The following STAM variants were observed in gnomAD, a reference collection of about 807,000 sequenced individuals.
STAM encodes the protein signal transducing adaptor molecule.
A neutral mutation model predicts 63.4 loss-of-function variants in STAM; 16 were observed. The ratio of observed to expected loss-of-function variants is 0.25; its 90% confidence interval spans 0.17 to 0.38. STAM has a LOEUF of 0.38. Among genes scored for constraint, STAM ranks in the 10% least tolerant of loss-of-function variants. The pLI is 1.00. For missense variants in STAM, 636 were observed against 657.1 expected, an observed-to-expected ratio of 0.97 and a Z score of 0.35; for synonymous variants, 238 against 223.9, an observed-to-expected ratio of 1.06 and a Z score of -0.56.
chr10:17,693,813 C>T (rs921148769), intron 6 of STAM, among the ~76,000 whole-genome samples: 3 of 152,016 alleles, frequency 2.0e-5, no homozygotes, highest in South Asian at 2.1e-4. Context: ...TATATGTGAC[C>T]GTCTCTATTA....
chr10:17,688,850 A>G lies in STAM; in HGVS notation c.444+677A>G, dbSNP rs140298167. 1.4e-3 allele frequency among the ~76,000 whole-genome samples: 211 copies of G among 152,284 alleles called. 3 individuals are homozygous for G. In the Middle Eastern group the frequency reaches 0.058, roughly 42 times the overall value. ...TGCTCTTAATGCTATAATTTTCTAC[A>G]AAGAATGATAGCTCAGAAATCAGGA... On this transcript the variant is annotated intron_variant, in intron 5 of 13. Coordinates refer to ENST00000377524, the MANE Select transcript of STAM (RefSeq NM_003473.4).
Position 17,701,535 on chromosome 10 carries a change from T to C in STAM, c.912+1256T>C, listed in dbSNP as rs367999907. The stretch of plus-strand genomic sequence containing the variant: ...TTTGTGCTGCAGTGGAAGAATTGAG[T>C]AGTAGCAACAGAGATCATATGGCCT... On this transcript the variant is annotated intron_variant, in intron 9 of 13. Coordinates refer to ENST00000377524, the MANE Select transcript of STAM (RefSeq NM_003473.4). Among the ~76,000 whole-genome samples the C allele has an allele frequency of 1.4e-3, 206 of 152,276 alleles. 1 individual carries two copies. The highest frequency in any genetic ancestry group is 6.8e-3 in the Middle Eastern group (2 of 294).
At chr10:17,711,380 A>G (rs1554830074) in intron 13 of STAM, among the ~76,000 whole-genome samples, 1 of 152,222 alleles carries the variant, frequency 6.6e-6, no homozygotes. Flanking sequence ...TTTGTCTCTG[A>G]TTTTAGTTTA....
Position 17,708,844 on chromosome 10 carries a change from G to C in STAM, c.1278G>C (p.Gln426His). The change falls in exon 13 of 14, where the codon CAG becomes CAC. Residue 426 changes from glutamine (Q) to histidine (H), a missense_variant. By Grantham distance (24) the Gln-to-His change is conservative. Coordinates refer to ENST00000377524, the MANE Select transcript of STAM (RefSeq NM_003473.4). ...VAGNAQMSHL[Q>H]SYSLPPEQLS... ...GGAACGCGCAGATGAGCCACCTCCA[G>C]AGCTACAGTCTTCCCCCGGAGCAGC... The C allele has an allele frequency of 6.2e-7, 1 of 1,614,192 alleles. No homozygotes were observed. The highest frequency in any genetic ancestry group is 1.3e-5 in the African/African-American group (1 of 75,042).
At chr10:17,700,077 T>A (rs1281296642) in intron 8 of STAM, 114 bp from the exon 9 acceptor site, 7 of 749,024 alleles carry the variant, frequency 9.3e-6, no homozygotes, top group Non-Finnish European at 1.0e-5. Context: ...ATTGCGCCTT[T>A]TAGCTTGCTG....
At chr10:17,683,032 G>T (rs1402870627) in intron 2 of STAM, among the ~76,000 whole-genome samples, 3 of 152,186 alleles carry the variant, frequency 2.0e-5, no homozygotes, top group Non-Finnish European at 4.4e-5. Context: ...GCTAACGGTA[G>T]TGAATAGATA....
Position 17,714,973 on chromosome 10 carries a change from T to A in STAM, c.*193T>A. 1 of 575,390 alleles carries A rather than the reference T, an allele frequency of 1.7e-6. No homozygotes were observed. The highest frequency in any genetic ancestry group is 3.1e-6 in the Non-Finnish European group (1 of 324,412). 35.6% of individuals were successfully genotyped at this position (575,390 alleles called of 1,614,324 possible). A position where few individuals can be genotyped will look rare whatever the true frequency, so the allele number is the denominator to read the frequency against. ...TTAGAGGTTCTTCCCCCCCCGCCCC[T>A]GCAGAGGAATGAAACTACTTACAAC... is the stretch of plus-strand genomic sequence containing the variant. On this transcript the variant is annotated 3_prime_UTR_variant, in exon 14 of 14. Transcript: ENST00000377524.
rs949311098 is a variant in STAM, at chr10:17,644,218, C to T, written c.-122C>T. On this transcript the variant is annotated 5_prime_UTR_variant, in exon 1 of 14. Coordinates refer to ENST00000377524, the MANE Select transcript of STAM (RefSeq NM_003473.4). ...GGTTGGGTGAGAGGAGGAGCTGTCGCGGACCCTGTAGAGTCGGTCTCTGTT... is the reference window on the plus strand; with the variant it reads ...GGTTGGGTGAGAGGAGGAGCTGTCGTGGACCCTGTAGAGTCGGTCTCTGTT... The T allele has an allele frequency of 5.5e-5, 59 of 1,075,198 alleles. No homozygotes were observed. Among genetic ancestry groups the T allele is most frequent in the Middle Eastern group, 4.0e-4 (2 of 5,036 alleles). The allele number at this position is 1,075,198 out of a possible 1,614,324, so 66.6% of individuals were successfully genotyped here. A position where few individuals can be genotyped will look rare whatever the true frequency, so the allele number is the denominator to read the frequency against.
intron 2 of STAM, among the ~76,000 whole-genome samples, chr10:17,681,910 T>C (rs1177177458): frequency 1.3e-5 from 2 of 152,244 alleles, no homozygotes; most frequent in Non-Finnish European, 2.9e-5. Flanking sequence ...TCGTAGGTTA[T>C]ATGAATGATT....
chr10:17,672,991 A>G, intron 2 of STAM: 1 of 982,326 alleles, frequency 1.0e-6, no homozygotes, highest in Non-Finnish European at 1.2e-6. Flanking sequence ...AAAAGAGAGG[A>G]TGTGTCTTAC....
intron 1 of STAM, among the ~76,000 whole-genome samples, chr10:17,646,801 C>T (rs546612347): frequency 5.2e-4 from 79 of 152,138 alleles, no homozygotes; most frequent in Non-Finnish European, 9.4e-4. Flanking sequence ...ATATAGAATA[C>T]AGTGTATAGA....
At chr10:17,712,397 T>A (rs1836595867) in intron 13 of STAM, among the ~76,000 whole-genome samples, 1 of 152,180 alleles carries the variant, frequency 6.6e-6, no homozygotes, top group East Asian at 1.9e-4. Context: ...CATCTCCTAA[T>A]CAACTTTATA....
intron 9 of STAM, among the ~76,000 whole-genome samples, chr10:17,701,827 G>T (rs1836012392): frequency 6.6e-6 from 1 of 152,068 alleles, no homozygotes; most frequent in Non-Finnish European, 1.5e-5. Flanking sequence ...CAGAGTATAA[G>T]AATTACCAGG....
chr10:17,644,375 T>A lies in STAM; in HGVS notation c.36T>A (p.Asp12Glu). The A allele has an allele frequency of 6.2e-7, 1 of 1,613,876 alleles. No individual in the cohort carries two copies. The highest frequency in any genetic ancestry group is 8.5e-7 in the Non-Finnish European group (1 of 1,179,906). The change falls in exon 1 of 14, where the codon GAT (aspartate) becomes GAA (glutamate). Residue 12 changes from aspartate (D) to glutamate (E), a missense_variant. Around this residue, in one of 3 missense-constraint regions of STAM, gnomAD observed 87 missense variants for 80.3 expected, o/e 1.08. Transcript: ENST00000377524. ...PLFATNPFDQ[D>E]VEKATSEMNT... is the part of the protein sequence containing the mutation. ...TTGCCACCAATCCCTTCGATCAGGA[T>A]GTTGGTAAGTGTTTTTGCCTCTCCC... is the stretch of plus-strand genomic sequence containing the variant.
intron 2 of STAM, among the ~76,000 whole-genome samples, chr10:17,675,291 G>T (rs1281237617): frequency 6.6e-6 from 1 of 152,158 alleles, no homozygotes; most frequent in Admixed American, 6.5e-5. Context: ...ATCACCTGAG[G>T]TCAGGAGTTT....
At chr10:17,694,215 G>A (rs1554827154) in intron 6 of STAM, among the ~76,000 whole-genome samples, 1 of 152,098 alleles carries the variant, frequency 6.6e-6, no homozygotes. Flanking sequence ...TTTGATAATG[G>A]TGTATTTTAT....
Position 17,684,926 on chromosome 10 carries a change from AG to A in STAM, c.297+1del. 1.9e-6 allele frequency: 3 copies of A among 1,608,380 alleles called. No homozygotes were observed. Among genetic ancestry groups the A allele is most frequent in the Non-Finnish European group, 2.6e-6 (3 of 1,176,076 alleles). On this transcript the variant is annotated frameshift_variant and splice_region_variant, in exon 4 of 14. Transcript: ENST00000377524. LOFTEE classifies it high-confidence loss of function. ...AGTGAAGTAAGCAACGTATTAAATA[AG>A]GTAAGGAGCATTATTTCCAGAAATT... ...FASEVSNVLN[K>X]GHPKVCEKLK...
intron 2 of STAM, among the ~76,000 whole-genome samples, chr10:17,675,187 T>C (rs553295169): frequency 2.6e-5 from 4 of 152,330 alleles, no homozygotes; most frequent in Non-Finnish European, 5.9e-5. Context: ...TTTATGAACA[T>C]TCATAAAAGC....
chr10:17,654,674 G>A (rs1163087571), intron 1 of STAM, among the ~76,000 whole-genome samples: 2 of 152,008 alleles, frequency 1.3e-5, no homozygotes, highest in African/African-American at 4.8e-5. Flanking sequence ...TATTTTCAAG[G>A]GATTTACAAT....
Sources: gnomAD v4.1 joint callset for allele counts (sites outside exome capture counted in the v4.1 genomes callset) on GRCh38, gnomAD v4.1.1 for gene constraint, gnomAD v4.1.1 regional missense constraint, MANE v1.5 for transcripts, NCBI Gene and HGNC (gene_info 2026-07-23, HGNC 2026-07-21) for gene names.